The following UVRAG variants were observed in gnomAD, a reference collection of about 807,000 sequenced individuals.
The protein encoded by UVRAG is UV radiation resistance associated, also known as UV radiation resistance-associated gene protein.
UVRAG carries 19 observed loss-of-function variants against 78.0 expected under a neutral mutation model. That is an observed-to-expected ratio of 0.24 (90% CI 0.17 to 0.36). The LOEUF (loss-of-function observed/expected upper bound fraction) is 0.36. Ranked by LOEUF, UVRAG falls within the 10% of genes least tolerant of loss-of-function variation. The pLI, the probability that UVRAG is intolerant of heterozygous loss-of-function variation, is 1.00. For synonymous variants in UVRAG, 323 were observed against 324.6 expected (o/e 1.00, Z 0.05); for missense variants, 740 against 853.8 (o/e 0.87, Z 1.66).
chr11:76,070,087 A>G (rs1565147536), intron 13 of UVRAG, among the ~76,000 whole-genome samples: 1 of 152,110 alleles, frequency 6.6e-6, no homozygotes, highest in Non-Finnish European at 1.5e-5. Context: ...CACAAACACA[A>G]CGCACACACA....
intron 5 of UVRAG, among the ~76,000 whole-genome samples, chr11:75,901,922 A>G (rs1231968957): frequency 6.6e-6 from 1 of 152,044 alleles, no homozygotes; most frequent in Non-Finnish European, 1.5e-5. Context: ...TCCCTTTTAT[A>G]TGCTTCCGTA....
intron 1 of UVRAG, among the ~76,000 whole-genome samples, chr11:75,822,982 C>G (rs1413086687): frequency 6.6e-6 from 1 of 152,058 alleles, no homozygotes; most frequent in African/African-American, 2.4e-5. Context: ...GACCATTCTC[C>G]TTCTAGGAGC....
intron 13 of UVRAG, among the ~76,000 whole-genome samples, chr11:76,112,303 A>G (rs1171427941): frequency 6.6e-6 from 1 of 152,204 alleles, no homozygotes; most frequent in African/African-American, 2.4e-5. Flanking sequence ...GGAACTACCT[A>G]AGAAAAAGTA....
chr11:75,873,467 A>G (rs888441633), intron 3 of UVRAG, among the ~76,000 whole-genome samples: 1 of 152,148 alleles, frequency 6.6e-6, no homozygotes, highest in Non-Finnish European at 1.5e-5. Flanking sequence ...GAAGGCTGAC[A>G]GTTAAAGAGA....
rs1947020589 is a variant in UVRAG, at chr11:75,884,193, A to C, written c.432+4153A>C. 2.7e-5 allele frequency among the ~76,000 whole-genome samples: 4 copies of C among 147,930 alleles called. 1 individual carries two copies. Among genetic ancestry groups the C allele is most frequent in the African/African-American group, 1.0e-4 (4 of 39,152 alleles). ...AAAATTAAATTGAGCCTTGTAAGCA[A>C]AAAGTCTATTTGAGATCAGTCTCTC... On this transcript the variant is annotated intron_variant, in intron 4 of 14. Coordinates refer to ENST00000356136, the MANE Select transcript of UVRAG (RefSeq NM_003369.4).
chr11:76,063,814 A>T (rs1306354623), intron 12 of UVRAG, among the ~76,000 whole-genome samples: 1 of 152,176 alleles, frequency 6.6e-6, no homozygotes, highest in African/African-American at 2.4e-5. Context: ...ATTCTCCAAT[A>T]TAAGATTTGT....
At position 75,880,170 on chromosome 11, in the gene UVRAG, TAAGA is replaced by T. The variant is rs369130063; in HGVS notation, c.432+131_432+134del. The stretch of plus-strand genomic sequence containing the variant: ...TTTTATGACTGTTTACTTATATCAC[TAAGA>T]GAGACCTTGATGATCATTTACATAT... On this transcript the variant is annotated intron_variant, in intron 4 of 14. Coordinates refer to ENST00000356136, the MANE Select transcript of UVRAG (RefSeq NM_003369.4). 67 of 1,004,664 alleles carry T rather than the reference TAAGA, an allele frequency of 6.7e-5. No individual in the cohort carries two copies. The African/African-American group carries it at 9.2e-4, about 14-fold the overall frequency. The allele number at this position is 1,004,664 out of a possible 1,614,324, so 62.2% of individuals were successfully genotyped here.
intron 13 of UVRAG, among the ~76,000 whole-genome samples, chr11:76,095,217 CT>C (rs1201433585): frequency 6.6e-6 from 1 of 152,086 alleles, no homozygotes; most frequent in Non-Finnish European, 1.5e-5. Flanking sequence ...ACCGGTCTTC[CT>C]ATTCCCCAAC....
At chr11:75,862,147 T>G (rs1946434154) in intron 3 of UVRAG, among the ~76,000 whole-genome samples, 1 of 152,206 alleles carries the variant, frequency 6.6e-6, no homozygotes, top group African/African-American at 2.4e-5. Flanking sequence ...GTTAAGAACT[T>G]TAAATGATAA....
chr11:75,990,729 A>C (rs1447078288), intron 8 of UVRAG, among the ~76,000 whole-genome samples: 1 of 152,164 alleles, frequency 6.6e-6, no homozygotes, highest in African/African-American at 2.4e-5. Flanking sequence ...CCTAGGTTAA[A>C]TGTACTACTG....
At chr11:75,829,745 A>G (rs949145913) in intron 1 of UVRAG, among the ~76,000 whole-genome samples, 7 of 152,250 alleles carry the variant, frequency 4.6e-5, no homozygotes, top group African/African-American at 1.7e-4. Flanking sequence ...AAACAGCCCT[A>G]TACTATATGT....
chr11:76,060,468 TGAG>T (rs1951061682), intron 12 of UVRAG, among the ~76,000 whole-genome samples: 1 of 152,234 alleles, frequency 6.6e-6, no homozygotes, highest in Admixed American at 6.5e-5. Context: ...TGGCGGCACT[TGAG>T]GAGCCCTTCA....
At chr11:75,825,172 G>A (rs1945485772) in intron 1 of UVRAG, among the ~76,000 whole-genome samples, 1 of 150,966 alleles carries the variant, frequency 6.6e-6, no homozygotes, top group South Asian at 2.1e-4. Flanking sequence ...GCAATGGCAC[G>A]ATCTCAGCTC....
chr11:75,826,497 C>T (rs1240496212), intron 1 of UVRAG, among the ~76,000 whole-genome samples: 1 of 152,236 alleles, frequency 6.6e-6, no homozygotes, highest in Non-Finnish European at 1.5e-5. Flanking sequence ...ATTAGCCTCA[C>T]AGCTTTGGGG....
intron 1 of UVRAG, among the ~76,000 whole-genome samples, chr11:75,829,374 C>A (rs1173345433): frequency 6.6e-6 from 1 of 152,188 alleles, no homozygotes; most frequent in Non-Finnish European, 1.5e-5. Context: ...GAAAGCAATA[C>A]CACTTGTCTC....
chr11:75,951,368 TTTTGTTTG>T (rs140611039), intron 6 of UVRAG, among the ~76,000 whole-genome samples: 9 of 150,408 alleles, frequency 6.0e-5, no homozygotes, highest in East Asian at 1.9e-4. Flanking sequence ...TGTATATATT[TTTTGTTTG>T]TTTGTTTGTT....
chr11:75,955,760 G>A (rs528512983), intron 6 of UVRAG, among the ~76,000 whole-genome samples: 1 of 152,062 alleles, frequency 6.6e-6, no homozygotes, highest in Non-Finnish European at 1.5e-5. Context: ...CCAGTTGCAC[G>A]CTCCTGTAGT....
intron 8 of UVRAG, among the ~76,000 whole-genome samples, chr11:75,991,696 A>AG (rs1949609609): frequency 1.3e-5 from 2 of 152,122 alleles, no homozygotes; most frequent in South Asian, 2.1e-4. Flanking sequence ...TATAAAACCA[A>AG]GGGGTATATA....
chr11:75,962,344 A>G (rs1295058758), intron 7 of UVRAG, among the ~76,000 whole-genome samples: 1 of 152,158 alleles, frequency 6.6e-6, no homozygotes, highest in African/African-American at 2.4e-5. Context: ...GAGGGCCTTT[A>G]TATCCCCAAA....
Sources: allele counts gnomAD v4.1 joint callset (sites outside exome capture counted in the v4.1 genomes callset), GRCh38; gene constraint gnomAD v4.1.1; transcripts MANE v1.5; gene names NCBI Gene and HGNC (gene_info 2026-07-23, HGNC 2026-07-21).